SLC24A4: variants seen among roughly 807,000 people sequenced by gnomAD.
SLC24A4 encodes sodium/potassium/calcium exchanger 4.
In SLC24A4, 53 loss-of-function variants were observed where a neutral mutation model predicts 79.0. The observed-to-expected ratio is 0.67, with a 90% CI of 0.54 to 0.84. SLC24A4 has a LOEUF of 0.84. SLC24A4 is among the 40% of genes least tolerant of loss of function. The pLI, the probability that SLC24A4 is intolerant of heterozygous loss-of-function variation, is 0.00. For synonymous variants in SLC24A4, 323 were observed against 323.8 expected (o/e 1.00, Z 0.03); for missense variants, 731 against 822.0 (o/e 0.89, Z 1.35).
intron 2 of SLC24A4, among the ~76,000 whole-genome samples, chr14:92,340,562 C>T (rs1173476267): frequency 2.9e-5 from 3 of 104,334 alleles, no homozygotes; most frequent in South Asian, 3.8e-4. Context: ...TGGTGGCTTC[C>T]GAGGCTGCAT....
intron 2 of SLC24A4, among the ~76,000 whole-genome samples, chr14:92,352,500 A>G (rs1473284455): frequency 2.6e-5 from 4 of 152,208 alleles, no homozygotes; most frequent in Non-Finnish European, 5.9e-5. Context: ...AAAGGGTTGG[A>G]TATGAGCTTC....
At chr14:92,465,971 A>C (rs1226230502) in intron 12 of SLC24A4, among the ~76,000 whole-genome samples, 1 of 152,190 alleles carries the variant, frequency 6.6e-6, no homozygotes, top group Non-Finnish European at 1.5e-5. Context: ...AGCTCAGTTC[A>C]ACAGCAGGTC....
intron 2 of SLC24A4, among the ~76,000 whole-genome samples, chr14:92,367,763 G>T (rs1037621472): frequency 6.6e-6 from 1 of 152,246 alleles, no homozygotes; most frequent in Non-Finnish European, 1.5e-5. Context: ...CTGCCCGTGA[G>T]GGGCTTTGTG....
intron 2 of SLC24A4, among the ~76,000 whole-genome samples, chr14:92,429,596 G>T (rs1269977132): frequency 6.6e-6 from 1 of 152,216 alleles, no homozygotes. Flanking sequence ...ATGTTTCAGA[G>T]CGTGGCCTCT....
At chr14:92,431,436 T>G (rs1891865023) in intron 2 of SLC24A4, among the ~76,000 whole-genome samples, 1 of 152,158 alleles carries the variant, frequency 6.6e-6, no homozygotes, top group East Asian at 1.9e-4. Flanking sequence ...GTGTGGGACA[T>G]CTGCAGTTCC....
intron 2 of SLC24A4, among the ~76,000 whole-genome samples, chr14:92,393,474 C>T (rs573118909): frequency 1.6e-4 from 24 of 151,688 alleles, no homozygotes; most frequent in Middle Eastern, 3.5e-3. Flanking sequence ...GGATGGCGGC[C>T]GCCTGAACAG....
At position 92,336,304 on chromosome 14, in the gene SLC24A4, G is replaced by A. The variant is rs938546070; in HGVS notation, c.241+10326G>A. 2.6e-5 allele frequency among the ~76,000 whole-genome samples: 4 copies of A among 152,192 alleles called. No homozygotes were observed. In the South Asian group the frequency reaches 8.3e-4, roughly 32 times the overall value. On this transcript the variant is annotated intron_variant, in intron 2 of 16. Coordinates refer to ENST00000532405, the MANE Select transcript of SLC24A4 (RefSeq NM_153646.4). ...ATTTAACATTGTCCATTATTGAAGA[G>A]GCCTTTAGAACATGGCATTTTACTA...
rs549888583 is a variant in SLC24A4, at chr14:92,409,027, G to C, written c.242-24885G>C. Among the ~76,000 whole-genome samples the C allele has an allele frequency of 2.0e-5, 3 of 152,304 alleles. No homozygotes were observed. The South Asian group carries it at 6.2e-4, about 32-fold the overall frequency. On this transcript the variant is annotated intron_variant, in intron 2 of 16. Coordinates refer to ENST00000532405, the MANE Select transcript of SLC24A4 (RefSeq NM_153646.4). ...GCTGAGTCTGCAGGATGAAGGGAGGGAGCCATATATGTTGAGCTGGGCTTT... is the reference window on the plus strand; with the variant it reads ...GCTGAGTCTGCAGGATGAAGGGAGGCAGCCATATATGTTGAGCTGGGCTTT...
chr14:92,493,557 T>A lies in SLC24A4; in HGVS notation c.1798T>A (p.Cys600Ser), dbSNP rs369241030. ...GCTGGTTCTCTACGCCATCTTCTTG[T>A]GCTTCTCCATAATGATAGAGTTTAA... ...YVLVLYAIFL[C>S]FSIMIEFNVF... The change falls in exon 17 of 17, where the codon TGC (cysteine) becomes AGC (serine). Residue 600 changes from cysteine to serine, a missense_variant. Physicochemically the swap from Cys to Ser is moderately radical, Grantham distance 112. Transcript: ENST00000532405. 23 of 1,614,122 alleles carry A rather than the reference T, an allele frequency of 1.4e-5. No homozygotes were observed. The African/African-American group carries it at 2.9e-4, about 21-fold the overall frequency.
intron 10 of SLC24A4, chr14:92,452,313 T>C (rs1893187152): frequency 6.6e-6 from 1 of 152,506 alleles, no homozygotes; most frequent in Non-Finnish European, 1.5e-5. Context: ...TCCGTCTTCC[T>C]CTGGGATGGA....
At chr14:92,387,586 C>T (rs1211026337) in intron 2 of SLC24A4, among the ~76,000 whole-genome samples, 1 of 152,210 alleles carries the variant, frequency 6.6e-6, no homozygotes, top group East Asian at 1.9e-4. Flanking sequence ...ATTTTAATCA[C>T]TGTAAATGTG....
chr14:92,434,161 A>T lies in SLC24A4; in HGVS notation c.318+173A>T, dbSNP rs7151618. ...GAAAGGATGTCTTAAACGTGTTAGG[A>T]GACTTACCCAGTGTCACACAGCTAG... On this transcript the variant is annotated intron_variant, in intron 3 of 16. Transcript: ENST00000532405. Among the ~76,000 whole-genome samples the T allele has an allele frequency of 0.73, 111,231 of 152,072 alleles. 40,975 individuals carry two copies. Among genetic ancestry groups the T allele is most frequent in the East Asian group, 0.98 (5,088 of 5,182 alleles).
chr14:92,358,524 A>G (rs562421844), intron 2 of SLC24A4, among the ~76,000 whole-genome samples: 25 of 151,760 alleles, frequency 1.6e-4, no homozygotes, highest in African/African-American at 6.1e-4. Context: ...AGGCTCAAAT[A>G]TCCGCTGGCC....
chr14:92,330,876 G>T (rs1885439363), intron 2 of SLC24A4, among the ~76,000 whole-genome samples: 1 of 152,136 alleles, frequency 6.6e-6, no homozygotes, highest in Non-Finnish European at 1.5e-5. Flanking sequence ...GTGAGTTCAG[G>T]CTTCAAACTG....
chr14:92,382,886 C>T (rs1489923487), intron 2 of SLC24A4, among the ~76,000 whole-genome samples: 1 of 152,204 alleles, frequency 6.6e-6, no homozygotes, highest in Non-Finnish European at 1.5e-5. Flanking sequence ...TCTTCTAGGC[C>T]ATGGAGTTCT....
chr14:92,483,904 A>G, intron 13 of SLC24A4: 1 of 1,284,190 alleles, frequency 7.8e-7, no homozygotes, highest in Non-Finnish European at 1.0e-6. Flanking sequence ...AGGGCCAGTA[A>G]ACGTTCCATG....
intron 3 of SLC24A4, among the ~76,000 whole-genome samples, chr14:92,436,629 G>T (rs536074204): frequency 1.3e-5 from 2 of 152,312 alleles, no homozygotes; most frequent in South Asian, 4.1e-4. Flanking sequence ...ATGGGTAGAT[G>T]AATGCTGACC....
chr14:92,424,960 A>G (rs1891489622), intron 2 of SLC24A4, among the ~76,000 whole-genome samples: 1 of 152,154 alleles, frequency 6.6e-6, no homozygotes, highest in Non-Finnish European at 1.5e-5. Context: ...CCAGGGCATT[A>G]ATCTATTCCT....
At position 92,425,922 on chromosome 14, in the gene SLC24A4, G is replaced by A. The variant is rs149350550; in HGVS notation, c.242-7990G>A. 5.6e-4 allele frequency among the ~76,000 whole-genome samples: 85 copies of A among 152,276 alleles called. No individual in the cohort carries two copies. In the East Asian group the frequency reaches 9.3e-3, roughly 17 times the overall value. ...CACCTGAGCCTGGGAGGTTGAGGCCGCAGTGAGCTGTGATTGCACCACTGC... is the reference window on the plus strand; with the variant it reads ...CACCTGAGCCTGGGAGGTTGAGGCCACAGTGAGCTGTGATTGCACCACTGC... On this transcript the variant is annotated intron_variant, in intron 2 of 16. Coordinates refer to ENST00000532405, the MANE Select transcript of SLC24A4 (RefSeq NM_153646.4).
Sources: allele counts gnomAD v4.1 joint callset (sites outside exome capture counted in the v4.1 genomes callset), GRCh38; gene constraint gnomAD v4.1.1; transcripts MANE v1.5; gene names NCBI Gene and HGNC (gene_info 2026-07-23, HGNC 2026-07-21).